The following INPP4B variants were observed in gnomAD, a reference collection of about 807,000 sequenced individuals.
INPP4B encodes inositol polyphosphate-4-phosphatase type II B.
INPP4B carries 55 observed loss-of-function variants against 122.5 expected under a neutral mutation model. The ratio of observed to expected loss-of-function variants is 0.45; its 90% CI spans 0.36 to 0.56. INPP4B has a LOEUF of 0.56. Ranked by LOEUF, INPP4B falls within the 20% of genes least tolerant of loss-of-function variation. INPP4B has a pLI of 0.00. For synonymous variants in INPP4B, 403 were observed against 388.7 expected (o/e 1.04, Z -0.43); for missense variants, 1,000 against 1,097.7 (o/e 0.91, Z 1.26).
intron 2 of INPP4B, among the ~76,000 whole-genome samples, chr4:142,641,877 CCCA>C (rs1297027580): frequency 6.6e-6 from 1 of 152,208 alleles, no homozygotes; most frequent in Non-Finnish European, 1.5e-5. Flanking sequence ...AGTTCACAGT[CCCA>C]CCAACAGTGT....
At chr4:142,170,654 TG>T (rs945043378) in intron 16 of INPP4B, among the ~76,000 whole-genome samples, 18 of 151,782 alleles carry the variant, frequency 1.2e-4, no homozygotes, top group Non-Finnish European at 2.2e-4. Context: ...CTCTGAAAAT[TG>T]AAGCACTTAT....
At chr4:142,123,241 T>G in intron 20 of INPP4B, 51 bp downstream of exon 20, 1 of 1,429,002 alleles carries the variant, frequency 7.0e-7, no homozygotes. Context: ...CTGGATTAAA[T>G]GTCCTTCTGA....
At chr4:142,674,631 CA>C (rs1362826907) in intron 2 of INPP4B, among the ~76,000 whole-genome samples, 8 of 152,078 alleles carry the variant, frequency 5.3e-5, no homozygotes, top group Non-Finnish European at 1.0e-4. Flanking sequence ...GAAAGTAAAA[CA>C]CTCCTCAGCA....
At chr4:142,814,267 G>A (rs1779858441) in intron 1 of INPP4B, among the ~76,000 whole-genome samples, 1 of 152,162 alleles carries the variant, frequency 6.6e-6, no homozygotes, top group South Asian at 2.1e-4. Flanking sequence ...GAAGGCTGCA[G>A]GCAATGGGGA....
chr4:142,317,821 G>A (rs977800721), intron 7 of INPP4B, among the ~76,000 whole-genome samples: 4 of 152,152 alleles, frequency 2.6e-5, no homozygotes, highest in Non-Finnish European at 1.5e-5. Context: ...GCTCAGTTGT[G>A]TTCAGGAAAT....
rs554325579 is a variant in INPP4B at position 142,122,243 on chromosome 4, C to G, written c.2020G>C (p.Asp674His). The G allele has an allele frequency of 1.9e-6, 3 of 1,606,324 alleles. No individual in the cohort carries two copies. The highest frequency in any genetic ancestry group is 1.3e-5 in the African/African-American group (1 of 74,504). ...QYEGLLSTYS[D>H]EIGMLEDMAV... ...ATGTCCTCTAGCATTCCAATTTCAT[C>G]GCCTAAACAATAGAAAAGGCACTTA... Residue 674 changes from aspartate to histidine, a missense_variant and splice_region_variant, in exon 21 of 26, where the codon GAT (aspartate) becomes CAT (histidine). By Grantham distance (81) the Asp-to-His change is moderately conservative. Transcript: ENST00000262992.
At chr4:142,226,593 T>C (rs1178051660) in intron 12 of INPP4B, among the ~76,000 whole-genome samples, 1 of 152,172 alleles carries the variant, frequency 6.6e-6, no homozygotes, top group South Asian at 2.1e-4. Flanking sequence ...ACTGTAAATA[T>C]GCATTTTATA....
At chr4:142,555,333 C>G (rs1728910993) in intron 2 of INPP4B, among the ~76,000 whole-genome samples, 3 of 152,162 alleles carry the variant, frequency 2.0e-5, no homozygotes. Flanking sequence ...GCTAGTTCAG[C>G]AGCCCTGGTC....
intron 11 of INPP4B, among the ~76,000 whole-genome samples, chr4:142,255,527 A>G (rs527246742): frequency 9.8e-5 from 15 of 152,288 alleles, no homozygotes; most frequent in African/African-American, 3.4e-4. Flanking sequence ...AAGCAAATGG[A>G]AAACAAAAAA....
intron 5 of INPP4B, among the ~76,000 whole-genome samples, chr4:142,418,621 G>C (rs1806235453): frequency 6.6e-6 from 1 of 152,110 alleles, no homozygotes. Context: ...CAAGGAACCA[G>C]CTAAGGGGGG....
chr4:142,612,957 C>G (rs1347145667), intron 2 of INPP4B, among the ~76,000 whole-genome samples: 1 of 152,156 alleles, frequency 6.6e-6, no homozygotes, highest in Non-Finnish European at 1.5e-5. Flanking sequence ...GTTTTGGCCC[C>G]TATATGCAAT....
At chr4:142,568,839 G>A (rs1403495024) in intron 2 of INPP4B, among the ~76,000 whole-genome samples, 1 of 152,078 alleles carries the variant, frequency 6.6e-6, no homozygotes, top group Non-Finnish European at 1.5e-5. Context: ...TAACTTCTCA[G>A]TAGGTGATAA....
rs1488576179 is a variant in INPP4B, at chr4:142,027,529, A to ATTTC, written c.*1249_*1252dup. On this transcript the variant is annotated 3_prime_UTR_variant, in exon 26 of 26. Transcript: ENST00000262992. ...GTTTCAATTCCAGTGATAAATCCTA[A>ATTTC]TTTCTTTTTAACTAGCATTCTCCCT... The ATTTC allele has an allele frequency of 6.6e-6, 1 of 152,218 alleles. No homozygotes were observed. The highest frequency in any genetic ancestry group is 1.5e-5 in the Non-Finnish European group (1 of 68,034). The allele number at this position is 152,218 out of a possible 1,614,324, so 9.4% of individuals were successfully genotyped here. A position where few individuals can be genotyped will look rare whatever the true frequency, so the allele number is the denominator to read the frequency against.
At position 142,591,715 on chromosome 4, in the gene INPP4B, T is replaced by C. The variant is rs1253083221; in HGVS notation, c.-190-128989A>G. On this transcript the variant is annotated intron_variant, in intron 2 of 25. Transcript: ENST00000262992. ...TGATCCTCAACAGCGCTAAGTAATG[T>C]TGATAATATGTGCCCTCGATATGAT... 2.6e-5 allele frequency among the ~76,000 whole-genome samples: 4 copies of C among 152,194 alleles called. No individual in the cohort carries two copies. The East Asian group carries it at 7.7e-4, about 29-fold the overall frequency.
At chr4:142,124,530 G>A (rs1477235037) in intron 19 of INPP4B, 58 bp downstream of exon 19, 1 of 1,447,622 alleles carries the variant, frequency 6.9e-7, no homozygotes, top group African/African-American at 1.4e-5. Flanking sequence ...TCATCATCAA[G>A]GATAGGATGT....
At chr4:142,545,562 T>C (rs1455079769) in intron 2 of INPP4B, among the ~76,000 whole-genome samples, 1 of 152,040 alleles carries the variant, frequency 6.6e-6, no homozygotes, top group Non-Finnish European at 1.5e-5. Context: ...TAAGTTCTTA[T>C]GCCAACAATT....
At chr4:142,384,605 A>G (rs563474159) in intron 7 of INPP4B, among the ~76,000 whole-genome samples, 1 of 151,972 alleles carries the variant, frequency 6.6e-6, no homozygotes, top group South Asian at 2.1e-4. Context: ...ACCATTGCAT[A>G]TGCAGTCCAT....
intron 7 of INPP4B, among the ~76,000 whole-genome samples, chr4:142,360,683 C>T (rs1046485000): frequency 2.6e-5 from 4 of 151,840 alleles, no homozygotes; most frequent in Admixed American, 6.6e-5. Flanking sequence ...GAGCTATACA[C>T]TGCAGGAAAG....
At chr4:142,223,212 A>G (rs1481542286) in intron 12 of INPP4B, among the ~76,000 whole-genome samples, 1 of 151,940 alleles carries the variant, frequency 6.6e-6, no homozygotes, top group Non-Finnish European at 1.5e-5. Flanking sequence ...ACACACACAC[A>G]CACTCACACA....
Sources: gnomAD v4.1 joint callset for allele counts (sites outside exome capture counted in the v4.1 genomes callset) on GRCh38, gnomAD v4.1.1 for gene constraint, MANE v1.5 for transcripts, NCBI Gene and HGNC (gene_info 2026-07-23, HGNC 2026-07-21) for gene names.